Variants in ASAP1 observed in about 807,000 individuals in gnomAD.
ASAP1 encodes the protein arf-GAP with SH3 domain, ANK repeat and PH domain-containing protein 1.
ASAP1 carries 43 observed loss-of-function variants against 145.2 expected under a neutral mutation model. The ratio of observed to expected loss-of-function variants is 0.30; its 90% CI spans 0.23 to 0.38. The LOEUF is 0.38. Ranked by LOEUF, ASAP1 falls within the 10% of genes least tolerant of loss-of-function variation. ASAP1 has a pLI of 1.00. For missense variants in ASAP1, 1,018 were observed against 1,355.3 expected, an observed-to-expected ratio of 0.75 and a Z score of 3.91; for synonymous variants, 546 against 515.5, an observed-to-expected ratio of 1.06 and a Z score of -0.80.
chr8:130,188,302 T>C (rs951798773), intron 5 of ASAP1, 119 bp from the exon 6 acceptor site: 5 of 762,642 alleles, frequency 6.6e-6, no homozygotes, highest in Non-Finnish European at 9.1e-6. Flanking sequence ...GGGCTTTCCA[T>C]GCATTATTTC....
intron 12 of ASAP1, among the ~76,000 whole-genome samples, chr8:130,153,136 CA>C (rs1284783557): frequency 3.3e-5 from 5 of 151,386 alleles, no homozygotes; most frequent in Admixed American, 1.3e-4. Flanking sequence ...TCTCCTGCCT[CA>C]GCCTCCCGAG....
intron 2 of ASAP1, among the ~76,000 whole-genome samples, chr8:130,360,465 C>T (rs1024047606): frequency 1.3e-5 from 2 of 152,192 alleles, no homozygotes; most frequent in African/African-American, 4.8e-5. Flanking sequence ...ATGTTCACCT[C>T]CCTCTATTGG....
intron 1 of ASAP1, among the ~76,000 whole-genome samples, chr8:130,420,275 CACACAA>C (rs1829665530): frequency 7.6e-6 from 1 of 132,270 alleles, no homozygotes; most frequent in Non-Finnish European, 1.7e-5. Context: ...CACACACACA[CACACAA>C]TAGCAATAAC....
intron 2 of ASAP1, among the ~76,000 whole-genome samples, chr8:130,394,342 C>T (rs930262928): frequency 3.9e-5 from 6 of 152,082 alleles, no homozygotes; most frequent in Non-Finnish European, 8.8e-5. Context: ...CTTCTATGGT[C>T]GAGACTGTAG....
intron 14 of ASAP1, 115 bp from the exon 15 acceptor site, chr8:130,134,459 T>C: frequency 1.7e-6 from 1 of 581,990 alleles, no homozygotes; most frequent in Non-Finnish European, 2.7e-6. Flanking sequence ...TTTAATATTA[T>C]TTTAGTTTTA....
At chr8:130,387,613 T>C (rs1451822182) in intron 2 of ASAP1, among the ~76,000 whole-genome samples, 1 of 144,638 alleles carries the variant, frequency 6.9e-6, no homozygotes, top group Non-Finnish European at 1.5e-5. Flanking sequence ...TTGTCTAATG[T>C]ACCACTACAC....
chr8:130,376,131 CCT>C, intron 2 of ASAP1, among the ~76,000 whole-genome samples: 1 of 152,330 alleles, frequency 6.6e-6, no homozygotes, highest in Non-Finnish European at 1.5e-5. Context: ...TTGTTTCTCT[CCT>C]CTCTCTCTGG....
intron 3 of ASAP1, among the ~76,000 whole-genome samples, chr8:130,326,525 C>G (rs908802929): frequency 6.6e-6 from 1 of 152,254 alleles, no homozygotes; most frequent in Non-Finnish European, 1.5e-5. Flanking sequence ...TGGTGCAACA[C>G]TGCTGAACTC....
chr8:130,082,977 T>G (rs2097484658), intron 25 of ASAP1: 1 of 152,228 alleles, frequency 6.6e-6, no homozygotes, highest in African/African-American at 2.4e-5. Context: ...AAATTTTATG[T>G]TTGGGGAATG....
intron 5 of ASAP1, among the ~76,000 whole-genome samples, chr8:130,205,688 A>G (rs1207844036): frequency 1.4e-5 from 2 of 146,720 alleles, no homozygotes; most frequent in African/African-American, 5.0e-5. Context: ...GAGGTGGGGC[A>G]CCTAATAGTC....
intron 7 of ASAP1, among the ~76,000 whole-genome samples, chr8:130,185,729 CAAAAAAAA>C (rs778486303): frequency 1.7e-5 from 1 of 57,146 alleles, no homozygotes; most frequent in South Asian, 5.6e-4. Flanking sequence ...AACTCCGCCT[CAAAAAAAA>C]AAAAAAAAAA....
chr8:130,326,588 G>A (rs531293156), intron 3 of ASAP1, among the ~76,000 whole-genome samples: 34 of 152,292 alleles, frequency 2.2e-4, no homozygotes, highest in African/African-American at 6.7e-4. Flanking sequence ...TAAACAGCTC[G>A]CTCCACGCTA....
intron 5 of ASAP1, among the ~76,000 whole-genome samples, chr8:130,210,275 C>A (rs1277100759): frequency 1.3e-5 from 2 of 150,144 alleles, no homozygotes; most frequent in Admixed American, 1.3e-4. Flanking sequence ...ACAATGCCAC[C>A]CTTCTAATGT....
At chr8:130,072,824 T>TGTGTGTGTGTGTGTGTGCACGCGCACGC in intron 27 of ASAP1, among the ~76,000 whole-genome samples, 1 of 32,282 alleles carries the variant, frequency 3.1e-5, no homozygotes, top group Non-Finnish European at 5.7e-5. Context: ...TGTGTGTGTG[T>TGTGTGTGTGTGTGTGTGCACGCGCACGC]GCGCGCGGGG....
intron 3 of ASAP1, among the ~76,000 whole-genome samples, chr8:130,352,249 G>C (rs76783810): frequency 0.029 from 4,264 of 147,554 alleles, 99 homozygotes; most frequent in Non-Finnish European, 0.042. Flanking sequence ...AATCTCCTTG[G>C]GGGTAATTAA....
At chr8:130,272,646 A>G (rs1013189705) in intron 3 of ASAP1, among the ~76,000 whole-genome samples, 2 of 152,244 alleles carry the variant, frequency 1.3e-5, no homozygotes, top group African/African-American at 4.8e-5. Context: ...TAGTATATAT[A>G]CAAATGGAAT....
intron 24 of ASAP1, among the ~76,000 whole-genome samples, chr8:130,107,530 G>C (rs1229972533): frequency 1.1e-4 from 10 of 87,086 alleles, no homozygotes; most frequent in African/African-American, 3.7e-4. Flanking sequence ...ATGTATGTAT[G>C]TATGTATGTA....
At chr8:130,278,296 T>C (rs1250167852) in intron 3 of ASAP1, among the ~76,000 whole-genome samples, 1 of 152,120 alleles carries the variant, frequency 6.6e-6, no homozygotes, top group Non-Finnish European at 1.5e-5. Context: ...CACAGAAAGC[T>C]GTAGTCACAT....
At chr8:130,274,596 T>G (rs1448357929) in intron 3 of ASAP1, among the ~76,000 whole-genome samples, 1 of 152,244 alleles carries the variant, frequency 6.6e-6, no homozygotes, top group Admixed American at 6.5e-5. Flanking sequence ...CTCTTCTCAC[T>G]ATCGCATTCA....
Sources: allele counts gnomAD v4.1 joint callset (sites outside exome capture counted in the v4.1 genomes callset), GRCh38; gene constraint gnomAD v4.1.1; transcripts MANE v1.5; gene names NCBI Gene and HGNC (gene_info 2026-07-23, HGNC 2026-07-21).